SDK1: variants seen among roughly 807,000 people sequenced by gnomAD.
SDK1 encodes the protein sidekick cell adhesion molecule 1, also known as protein sidekick-1.
A neutral mutation model predicts 245.5 loss-of-function variants in SDK1; 157 were observed. The ratio of observed to expected loss-of-function variants is 0.64; its 90% CI spans 0.56 to 0.73. The LOEUF (loss-of-function observed/expected upper bound fraction) is 0.73, where lower values mean the gene tolerates loss of function less well. SDK1 is among the 30% of genes least tolerant of loss of function. The pLI is 0.00. For missense variants in SDK1, 3,583 were observed against 3,002.3 expected (o/e 1.19, Z -4.52); for synonymous variants, 1,647 against 1,278.5 (o/e 1.29, Z -6.15).
At chr7:4,070,650 T>C (rs115554920) in intron 20 of SDK1, among the ~76,000 whole-genome samples, 2,029 of 151,824 alleles carry the variant, frequency 0.013, 47 homozygotes, top group African/African-American at 0.04. Flanking sequence ...GATCCCCTGA[T>C]AGAGCGGTGT....
intron 1 of SDK1, among the ~76,000 whole-genome samples, chr7:3,546,551 G>A (rs1779231946): frequency 1.3e-5 from 2 of 152,208 alleles, no homozygotes; most frequent in African/African-American, 4.8e-5. Flanking sequence ...AACAGGACAT[G>A]GAAAGAAAAA....
At chr7:3,697,999 A>G (rs971598022) in intron 4 of SDK1, among the ~76,000 whole-genome samples, 10 of 152,170 alleles carry the variant, frequency 6.6e-5, no homozygotes, top group Non-Finnish European at 1.5e-4. Context: ...TGAATGGCAC[A>G]GTGCTGGCAT....
chr7:4,247,410 T>A (rs1418927852), intron 44 of SDK1, among the ~76,000 whole-genome samples: 1 of 152,160 alleles, frequency 6.6e-6, no homozygotes, highest in African/African-American at 2.4e-5. Context: ...GAAAGGGACA[T>A]TTGTCTAAAA....
chr7:3,672,646 T>G (rs986938938), intron 4 of SDK1, among the ~76,000 whole-genome samples: 1 of 139,906 alleles, frequency 7.1e-6, no homozygotes, highest in African/African-American at 2.6e-5. Context: ...TAAATATATA[T>G]TAAATAAATA....
In SDK1 at chr7:4,158,497, A is replaced by T; in HGVS notation, c.4675A>T (p.Ile1559Phe). The T allele has an allele frequency of 6.2e-7, 1 of 1,613,838 alleles. No individual in the cohort carries two copies. Among genetic ancestry groups the T allele is most frequent in the Non-Finnish European group, 8.5e-7 (1 of 1,179,976 alleles). The change falls in exon 31 of 45, where the codon ATT becomes TTT. Residue 1559 changes from isoleucine (I) to phenylalanine (F), a missense_variant. Ile to Phe is a conservative substitution (Grantham distance 21). Transcript: ENST00000404826. ...GCTGCGCCTGAAAGCCACCAACGAC[A>T]TTGGGGACAGTGACTTCAGTTCAGA... ...YKLRLKATND[I>F]GDSDFSSETE...
At chr7:4,082,604 A>G (rs1781128507) in intron 22 of SDK1, among the ~76,000 whole-genome samples, 4 of 151,740 alleles carry the variant, frequency 2.6e-5, no homozygotes, top group Admixed American at 1.3e-4. Flanking sequence ...TCATGATACC[A>G]TTGTCACACC....
At chr7:4,154,147 A>G (rs1458915752) in intron 30 of SDK1, among the ~76,000 whole-genome samples, 2 of 152,234 alleles carry the variant, frequency 1.3e-5, no homozygotes, top group African/African-American at 2.4e-5. Context: ...GCTCTGAGGC[A>G]GGAACGTGGA....
At chr7:3,541,606 C>T (rs1045542383) in intron 1 of SDK1, among the ~76,000 whole-genome samples, 7 of 152,178 alleles carry the variant, frequency 4.6e-5, no homozygotes, top group African/African-American at 1.4e-4. Context: ...ATGGATATGG[C>T]ACTTATCAAA....
At chr7:3,475,273 T>TCC (rs1187817575) in intron 1 of SDK1, among the ~76,000 whole-genome samples, 2 of 152,124 alleles carry the variant, frequency 1.3e-5, no homozygotes, top group Non-Finnish European at 2.9e-5. Flanking sequence ...ATACTTGTTC[T>TCC]CCCCTCTGTC....
intron 5 of SDK1, among the ~76,000 whole-genome samples, chr7:3,907,479 T>C (rs1778990722): frequency 6.6e-6 from 1 of 152,240 alleles, no homozygotes; most frequent in Non-Finnish European, 1.5e-5. Flanking sequence ...ACTATTTCAT[T>C]ATCTGACATA....
chr7:3,792,675 C>T (rs1778840429), intron 4 of SDK1, among the ~76,000 whole-genome samples: 1 of 148,880 alleles, frequency 6.7e-6, no homozygotes. Flanking sequence ...ACTACTACCC[C>T]CTCCTCCTGC....
chr7:3,637,079 G>A (rs1047743234), intron 2 of SDK1, among the ~76,000 whole-genome samples: 5 of 146,752 alleles, frequency 3.4e-5, no homozygotes, highest in East Asian at 2.1e-4. Context: ...GAGAGAGTGC[G>A]TGCGCGCGTG....
intron 1 of SDK1, among the ~76,000 whole-genome samples, chr7:3,375,094 G>C (rs1288124028): frequency 1.3e-5 from 2 of 152,032 alleles, no homozygotes; most frequent in Admixed American, 1.3e-4. Flanking sequence ...TGCTGCATAC[G>C]CATTTTCCGA....
chr7:4,144,780 G>A (rs545962290), intron 28 of SDK1, among the ~76,000 whole-genome samples: 26 of 152,292 alleles, frequency 1.7e-4, no homozygotes, highest in African/African-American at 5.5e-4. Context: ...ACTCCACGAA[G>A]AGGCAGCACT....
In SDK1 at chr7:3,429,332, TGTTATA is replaced by T. The variant is rs1046435582; in HGVS notation, c.298+127452_298+127457del. ...TTCTTATAAACATCTTGTTAGCAGGTGTTATAGTTGTTATTTAGAACTTTTCTGAGA... is the reference window on the plus strand; with the variant it reads ...TTCTTATAAACATCTTGTTAGCAGGTGTTGTTATTTAGAACTTTTCTGAGA... On this transcript the variant is annotated intron_variant, in intron 1 of 44. Transcript: ENST00000404826. 8.8e-4 allele frequency among the ~76,000 whole-genome samples: 134 copies of T among 152,340 alleles called. 1 individual carries two copies. Among genetic ancestry groups the T allele is most frequent in the African/African-American group, 3.0e-3 (124 of 41,582 alleles).
At chr7:3,377,446 A>T (rs542644028) in intron 1 of SDK1, among the ~76,000 whole-genome samples, 75 of 152,244 alleles carry the variant, frequency 4.9e-4, no homozygotes, top group African/African-American at 1.8e-3. Flanking sequence ...TTGCTTGGCA[A>T]GCTTCCCCGT....
At chr7:4,149,867 C>T (rs1243615474) in intron 30 of SDK1, among the ~76,000 whole-genome samples, 2 of 152,110 alleles carry the variant, frequency 1.3e-5, no homozygotes, top group East Asian at 1.9e-4. Flanking sequence ...AGGGACGTTG[C>T]GTCCCCTTGC....
At chr7:3,527,250 G>A (rs1231432003) in intron 1 of SDK1, among the ~76,000 whole-genome samples, 1 of 152,200 alleles carries the variant, frequency 6.6e-6, no homozygotes, top group African/African-American at 2.4e-5. Context: ...TAAATAAGAT[G>A]CCATATACAA....
chr7:4,204,017 C>T (rs1404702973), intron 35 of SDK1, among the ~76,000 whole-genome samples: 1 of 152,238 alleles, frequency 6.6e-6, no homozygotes, highest in Non-Finnish European at 1.5e-5. Flanking sequence ...ACAGACCCAC[C>T]AGTTCCTACA....
Sources: allele counts gnomAD v4.1 joint callset (sites outside exome capture counted in the v4.1 genomes callset), GRCh38; gene constraint gnomAD v4.1.1; transcripts MANE v1.5; gene names NCBI Gene and HGNC (gene_info 2026-07-23, HGNC 2026-07-21).